Variants in ARHGAP26 observed in about 807,000 individuals in gnomAD.
ARHGAP26 encodes the protein rho GTPase-activating protein 26.
In ARHGAP26, 38 loss-of-function variants were observed where a neutral mutation model predicts 104.8. The observed-to-expected ratio is 0.36, with a 90% CI of 0.28 to 0.48. The LOEUF (loss-of-function observed/expected upper bound fraction) is 0.48. Among genes scored for constraint, ARHGAP26 ranks in the 20% least tolerant of loss-of-function variants. ARHGAP26 has a pLI of 0.99. For missense variants in ARHGAP26, 704 were observed against 947.9 expected (o/e 0.74, Z 3.38); for synonymous variants, 341 against 340.0 (o/e 1.00, Z -0.03).
chr5:143,136,908 A>G (rs1196191251), intron 19 of ARHGAP26, among the ~76,000 whole-genome samples: 2 of 152,232 alleles, frequency 1.3e-5, no homozygotes, highest in Admixed American at 1.3e-4. Context: ...ATATTTCCAT[A>G]TAACAGTGAT....
chr5:143,176,784 T>C (rs1020351019), intron 20 of ARHGAP26, among the ~76,000 whole-genome samples: 5 of 152,206 alleles, frequency 3.3e-5, no homozygotes, highest in African/African-American at 9.6e-5. Context: ...TTCAATACTA[T>C]AATGAAAATT....
intron 20 of ARHGAP26, among the ~76,000 whole-genome samples, chr5:143,181,766 AC>A (rs112646868): frequency 2.4e-4 from 37 of 152,200 alleles, no homozygotes; most frequent in African/African-American, 8.4e-4. Context: ...GATGTTAAGG[AC>A]TTTTTGTTTT....
chr5:143,131,691 G>T (rs549052148), intron 18 of ARHGAP26, among the ~76,000 whole-genome samples: 13 of 152,316 alleles, frequency 8.5e-5, no homozygotes, highest in African/African-American at 2.9e-4. Context: ...CTCCTGCTTA[G>T]CTGTGTGGCA....
chr5:142,800,458 G>A (rs1385876148), intron 1 of ARHGAP26, among the ~76,000 whole-genome samples: 1 of 151,744 alleles, frequency 6.6e-6, no homozygotes. Context: ...CAACCTCCGG[G>A]TTCAAACAAT....
Position 143,223,415 on chromosome 5 carries a change from T to G in ARHGAP26, c.*969T>G, listed in dbSNP as rs1811425811. ...CCCTAGTAACCTCTTGAGATTAAAT[T>G]ACATAGTCTTAATATTTCTGTTCCT... On this transcript the variant is annotated 3_prime_UTR_variant, in exon 23 of 23. Coordinates refer to ENST00000645722, the MANE Select transcript of ARHGAP26 (RefSeq NM_001135608.3). 2.2e-5 allele frequency: 5 copies of G among 231,994 alleles called. No homozygotes were observed. Among genetic ancestry groups the G allele is most frequent in the Non-Finnish European group, 4.3e-5 (5 of 117,068 alleles). 14.4% of individuals were successfully genotyped at this position (231,994 alleles called of 1,614,324 possible).
At chr5:143,055,904 T>C (rs1598827488) in intron 15 of ARHGAP26, 124 bp from the exon 16 acceptor site, 1 of 653,380 alleles carries the variant, frequency 1.5e-6, no homozygotes. Flanking sequence ...TACATTGTTA[T>C]TGTTTCCCTG....
intron 20 of ARHGAP26, among the ~76,000 whole-genome samples, chr5:143,199,880 A>C (rs189384637): frequency 3.3e-5 from 5 of 152,276 alleles, no homozygotes; most frequent in African/African-American, 1.2e-4. Flanking sequence ...AAAGTCCTAC[A>C]CTAAGCTACA....
chr5:143,136,878 T>G (rs1372161660), intron 19 of ARHGAP26, among the ~76,000 whole-genome samples: 5 of 152,210 alleles, frequency 3.3e-5, no homozygotes, highest in Non-Finnish European at 7.3e-5. Context: ...GCAAATGTAA[T>G]AATTTGTGAA....
intron 17 of ARHGAP26, among the ~76,000 whole-genome samples, chr5:143,061,478 A>C (rs1309066602): frequency 6.6e-6 from 1 of 152,190 alleles, no homozygotes; most frequent in Non-Finnish European, 1.5e-5. Flanking sequence ...ATACCTTTTC[A>C]CAGCTGGTTT....
chr5:142,900,985 G>T (rs1760252977), intron 6 of ARHGAP26, among the ~76,000 whole-genome samples: 1 of 152,082 alleles, frequency 6.6e-6, no homozygotes, highest in Admixed American at 6.5e-5. Flanking sequence ...ATCTCGTTCG[G>T]GCTTTTATTA....
intron 9 of ARHGAP26, among the ~76,000 whole-genome samples, chr5:142,911,474 G>A (rs529066293): frequency 3.9e-4 from 60 of 152,206 alleles, no homozygotes; most frequent in African/African-American, 1.4e-3. Context: ...TAACCTTCCT[G>A]ACCAGGTCAG....
At chr5:142,893,611 C>T (rs1304637721) in intron 5 of ARHGAP26, among the ~76,000 whole-genome samples, 1 of 152,074 alleles carries the variant, frequency 6.6e-6, no homozygotes, top group East Asian at 1.9e-4. Flanking sequence ...TGGATAAATA[C>T]CAAGTAGTGG....
At chr5:142,975,694 G>A in intron 11 of ARHGAP26, among the ~76,000 whole-genome samples, 1 of 152,096 alleles carries the variant, frequency 6.6e-6, no homozygotes, top group African/African-American at 2.4e-5. Context: ...ACCTAAGATT[G>A]CAGTGTGTAT....
intron 11 of ARHGAP26, chr5:142,969,216 C>T (rs1771874386): frequency 1.3e-5 from 2 of 152,268 alleles, no homozygotes; most frequent in South Asian, 2.1e-4. Flanking sequence ...GCTGGGATAA[C>T]AGGTATGAGC....
At chr5:143,141,460 C>T (rs246599) in intron 19 of ARHGAP26, among the ~76,000 whole-genome samples, 82,327 of 152,112 alleles carry the variant, frequency 0.54, 22,598 homozygotes, top group Middle Eastern at 0.61. Flanking sequence ...TACGGGATAT[C>T]TGTGTGCAGA....
rs1353037884 is a variant in ARHGAP26, at chr5:143,214,047, A to T, written c.2150A>T (p.Asp717Val). The T allele has an allele frequency of 6.3e-7, 1 of 1,578,888 alleles. No individual in the cohort carries two copies. Among genetic ancestry groups the T allele is most frequent in the Non-Finnish European group, 8.6e-7 (1 of 1,159,392 alleles). ...KALYACKAEHDSELSFTAGTV... is the reference protein window; with the variant it reads ...KALYACKAEHVSELSFTAGTV... ...TTGTATGCCTGCAAAGCTGAACATG[A>T]CTCAGAACTTTCGTTCACAGCAGGC... The change falls in exon 22 of 23, where the codon GAC (aspartate) becomes GTC (valine). Residue 717 changes from aspartate (D) to valine (V), a missense_variant. Transcript: ENST00000645722.
intron 5 of ARHGAP26, among the ~76,000 whole-genome samples, chr5:142,891,566 C>G (rs1309273416): frequency 2.0e-5 from 3 of 151,598 alleles, no homozygotes; most frequent in Non-Finnish European, 4.4e-5. Flanking sequence ...GTTTCTTTTT[C>G]TCATGATGGT....
At chr5:142,998,395 T>A (rs1224950007) in intron 11 of ARHGAP26, among the ~76,000 whole-genome samples, 1 of 152,166 alleles carries the variant, frequency 6.6e-6, no homozygotes, top group East Asian at 1.9e-4. Flanking sequence ...TGTGCGTTCA[T>A]CTGTCATGCT....
chr5:143,145,775 C>T (rs1302206267), intron 19 of ARHGAP26, among the ~76,000 whole-genome samples: 2 of 152,144 alleles, frequency 1.3e-5, no homozygotes, highest in Non-Finnish European at 2.9e-5. Context: ...GCTAGCCTCA[C>T]AGGGTTTTTC....
Sources: allele counts gnomAD v4.1 joint callset (sites outside exome capture counted in the v4.1 genomes callset), GRCh38; gene constraint gnomAD v4.1.1; transcripts MANE v1.5; gene names NCBI Gene and HGNC (gene_info 2026-07-23, HGNC 2026-07-21).